Variants in CSMD2 observed in about 807,000 individuals in gnomAD.
CSMD2 encodes the protein CUB and Sushi multiple domains 2, also known as CUB and sushi domain-containing protein 2.
In CSMD2, 130 loss-of-function variants were observed where a neutral mutation model predicts 398.5. The observed-to-expected ratio is 0.33, with a 90% CI of 0.28 to 0.38. The LOEUF (loss-of-function observed/expected upper bound fraction) is 0.38, where lower values mean the gene tolerates loss of function less well. Among genes scored for constraint, CSMD2 ranks in the 10% least tolerant of loss-of-function variants. The pLI, the probability that CSMD2 is intolerant of heterozygous loss-of-function variation, is 1.00. For missense variants in CSMD2, 3,829 were observed against 4,764.9 expected (o/e 0.80, Z 5.78); for synonymous variants, 1,828 against 1,908.5 (o/e 0.96, Z 1.10).
At chr1:33,894,391 C>T (rs1264917062) in intron 5 of CSMD2, among the ~76,000 whole-genome samples, 1 of 152,188 alleles carries the variant, frequency 6.6e-6, no homozygotes, top group East Asian at 1.9e-4. Flanking sequence ...CAATGCTAGG[C>T]CACTTTGCCC....
intron 19 of CSMD2, 116 bp downstream of exon 19, chr1:33,724,081 G>T: frequency 1.4e-6 from 1 of 712,044 alleles, no homozygotes; most frequent in South Asian, 1.7e-5. Flanking sequence ...GAAAAGTTCA[G>T]ACGAAGCCCA....
chr1:33,935,430 A>G (rs1345709404), intron 4 of CSMD2, among the ~76,000 whole-genome samples: 1 of 152,228 alleles, frequency 6.6e-6, no homozygotes, highest in Non-Finnish European at 1.5e-5. Flanking sequence ...TCTGGCTTCC[A>G]CAAGAGGAGA....
rs1162206196 is a variant in CSMD2 at position 33,636,140 on chromosome 1, T to C, written c.4969+220A>G. ...GCATGAGCATCTATGTGAATGGGGG[T>C]AGGGACACCATGGGTTCTGAGATGA... On this transcript the variant is annotated intron_variant, in intron 30 of 70. Transcript: ENST00000373381. This position sits in a 1 kb window ranked among gnomAD's most constrained non-coding sequence, Gnocchi z 4.8. Among the ~76,000 whole-genome samples the C allele has an allele frequency of 6.6e-6, 1 of 151,930 alleles. No individual in the cohort carries two copies. The highest frequency in any genetic ancestry group is 1.5e-5 in the Non-Finnish European group (1 of 67,958).
Position 33,519,841 on chromosome 1 carries a change from C to T in CSMD2, c.10707G>A (p.Ala3569=), listed in dbSNP as rs759844060. The change falls in exon 69 of 71, where the codon GCG becomes GCA. Residue 3569 remains alanine, a synonymous_variant. Coordinates refer to ENST00000373381, the MANE Select transcript of CSMD2 (RefSeq NM_001281956.2). This position sits in a 1 kb window ranked among gnomAD's most constrained non-coding sequence, Gnocchi z 5.6. ...ILVPFIALII[A]GFVLYLYKHR... Reference sequence around the variant, plus strand: ...GCTTGTAGAGATAGAGCACGAAGCCCGCAATAATGAGGGCGATGAAAGGCA... The same window carrying T: ...GCTTGTAGAGATAGAGCACGAAGCCTGCAATAATGAGGGCGATGAAAGGCA... 14 of 1,613,848 alleles carry T rather than the reference C, an allele frequency of 8.7e-6. No homozygotes were observed. The highest frequency in any genetic ancestry group is 1.6e-4 in the Middle Eastern group (1 of 6,084).
chr1:33,720,989 C>A (rs955816845), intron 19 of CSMD2, among the ~76,000 whole-genome samples: 2 of 152,170 alleles, frequency 1.3e-5, no homozygotes, highest in East Asian at 3.8e-4. Flanking sequence ...CATGAGCCAC[C>A]GTGCCTGGCC....
chr1:33,699,143 A>G (rs538548556), intron 23 of CSMD2, among the ~76,000 whole-genome samples, 199 bp from the exon 24 acceptor site: 40 of 152,284 alleles, frequency 2.6e-4, no homozygotes, highest in African/African-American at 8.7e-4. Context: ...CTCTGTTGCT[A>G]TATGTAAATG....
At chr1:34,014,423 C>T (rs1388119997) in intron 3 of CSMD2, among the ~76,000 whole-genome samples, 2 of 152,218 alleles carry the variant, frequency 1.3e-5, no homozygotes, top group Non-Finnish European at 2.9e-5. Flanking sequence ...ACTCGTCTCC[C>T]TCACTCTGCT....
At chr1:34,034,604 C>A (rs1650881456) in intron 2 of CSMD2, among the ~76,000 whole-genome samples, 1 of 152,196 alleles carries the variant, frequency 6.6e-6, no homozygotes, top group Non-Finnish European at 1.5e-5. Context: ...TTAATCCATG[C>A]AGCGAGATTT....
chr1:33,841,830 G>C (rs909161124), intron 6 of CSMD2, among the ~76,000 whole-genome samples: 1 of 152,158 alleles, frequency 6.6e-6, no homozygotes, highest in Non-Finnish European at 1.5e-5. Flanking sequence ...AACCATGCTG[G>C]AGGACCTGTT....
intron 70 of CSMD2, among the ~76,000 whole-genome samples, chr1:33,516,881 T>A (rs1653811203): frequency 7.1e-6 from 1 of 140,338 alleles, no homozygotes; most frequent in African/African-American, 2.8e-5. Context: ...AACATTCTAA[T>A]TTTAGTTTCT....
Position 33,871,575 on chromosome 1 carries a change from C to T in CSMD2, c.921-24579G>A, listed in dbSNP as rs191882719. Among the ~76,000 whole-genome samples the T allele has an allele frequency of 2.0e-5, 3 of 152,294 alleles. No homozygotes were observed. The East Asian group carries it at 5.8e-4, about 29-fold the overall frequency. Reference sequence around the variant, plus strand: ...CCTTCTTATTGGTGAGGACTGTCTGCAGAGAGGACTGAGCATGTTGATGTG... The same window carrying T: ...CCTTCTTATTGGTGAGGACTGTCTGTAGAGAGGACTGAGCATGTTGATGTG... On this transcript the variant is annotated intron_variant, in intron 5 of 70. Transcript: ENST00000373381.
At chr1:33,799,127 C>G (rs1655296944) in intron 10 of CSMD2, among the ~76,000 whole-genome samples, 1 of 152,254 alleles carries the variant, frequency 6.6e-6, no homozygotes, top group Non-Finnish European at 1.5e-5. Context: ...CAGACCAAAT[C>G]TGTCCTATAG....
chr1:33,523,798 T>C (rs1654526324), intron 66 of CSMD2, among the ~76,000 whole-genome samples: 1 of 152,202 alleles, frequency 6.6e-6, no homozygotes, highest in South Asian at 2.1e-4. Flanking sequence ...AACATGTCTA[T>C]TATCATGTGT....
At chr1:33,738,518 T>C (rs1646952917) in intron 15 of CSMD2, among the ~76,000 whole-genome samples, 1 of 152,160 alleles carries the variant, frequency 6.6e-6, no homozygotes, top group East Asian at 1.9e-4. Flanking sequence ...GTGGAACAGA[T>C]GGCTGGTCTT....
At chr1:33,820,322 A>G in intron 8 of CSMD2, 147 bp downstream of exon 8, 1 of 685,382 alleles carries the variant, frequency 1.5e-6, no homozygotes, top group Non-Finnish European at 2.6e-6. Context: ...GAGAATGTCA[A>G]AGCCATAGCT....
chr1:33,857,185 G>A (rs988035972), intron 5 of CSMD2, among the ~76,000 whole-genome samples: 1 of 151,998 alleles, frequency 6.6e-6, no homozygotes, highest in Non-Finnish European at 1.5e-5. Flanking sequence ...GATAATAACA[G>A]CACCCACTTC....
chr1:33,790,677 AT>A (rs1654142174), intron 11 of CSMD2, among the ~76,000 whole-genome samples: 2 of 146,142 alleles, frequency 1.4e-5, no homozygotes, highest in Admixed American at 6.7e-5. Context: ...CTATCTATCT[AT>A]CTATCTATCT....
chr1:34,099,435 G>A (rs1659733983), intron 1 of CSMD2, among the ~76,000 whole-genome samples: 1 of 152,218 alleles, frequency 6.6e-6, no homozygotes. Context: ...GATTCGTGTT[G>A]TGGACAACCA....
chr1:33,523,205 C>A (rs1345434920), intron 67 of CSMD2, 102 bp downstream of exon 67: 1 of 618,184 alleles, frequency 1.6e-6, no homozygotes, highest in Non-Finnish European at 2.9e-6. Flanking sequence ...AACCTCCTCC[C>A]AAGTTGCCAG....
Sources: allele counts gnomAD v4.1 joint callset (sites outside exome capture counted in the v4.1 genomes callset), GRCh38; gene constraint gnomAD v4.1.1; non-coding constraint Gnocchi (gnomAD v3.1); transcripts MANE v1.5; gene names NCBI Gene and HGNC (gene_info 2026-07-23, HGNC 2026-07-21).